The following DLG2 variants were observed in gnomAD, a reference collection of about 807,000 sequenced individuals.
DLG2 encodes the protein discs large MAGUK scaffold protein 2.
DLG2 carries 45 observed loss-of-function variants against 132.5 expected under a neutral mutation model. That is an observed-to-expected ratio of 0.34 (90% CI 0.27 to 0.44). The LOEUF (loss-of-function observed/expected upper bound fraction) is 0.44, where lower values mean the gene tolerates loss of function less well. DLG2 is among the 20% of genes least tolerant of loss of function. DLG2 has a pLI of 1.00. For missense variants in DLG2, 1,045 were observed against 1,196.9 expected, an observed-to-expected ratio of 0.87 and a Z score of 1.87; for synonymous variants, 424 against 419.6, an observed-to-expected ratio of 1.01 and a Z score of -0.13.
At chr11:83,996,399 G>T (rs1192265499) in intron 11 of DLG2, among the ~76,000 whole-genome samples, 3 of 152,184 alleles carry the variant, frequency 2.0e-5, no homozygotes, top group Admixed American at 6.5e-5. Flanking sequence ...CAACCACTAT[G>T]GAGAACAGTT....
At chr11:83,760,469 C>CT (rs202170665) in intron 18 of DLG2, among the ~76,000 whole-genome samples, 12,577 of 146,014 alleles carry the variant, frequency 0.086, 598 homozygotes, top group South Asian at 0.17. Flanking sequence ...TCCATCTATT[C>CT]TTTTTTTTTT....
chr11:85,422,999 G>A (rs1006983285), intron 3 of DLG2, among the ~76,000 whole-genome samples: 19 of 151,568 alleles, frequency 1.3e-4, no homozygotes, highest in African/African-American at 3.9e-4. Flanking sequence ...GTGATTTCTT[G>A]GAGGTGTTAA....
At chr11:85,234,278 A>T (rs2075459730) in intron 4 of DLG2, among the ~76,000 whole-genome samples, 1 of 152,026 alleles carries the variant, frequency 6.6e-6, no homozygotes, top group African/African-American at 2.4e-5. Context: ...TGCTCAGAAA[A>T]TGTTAATTTT....
intron 7 of DLG2, among the ~76,000 whole-genome samples, chr11:84,399,165 G>C (rs941364745): frequency 1.3e-5 from 2 of 151,888 alleles, no homozygotes; most frequent in Non-Finnish European, 2.9e-5. Flanking sequence ...ACAAAAATAG[G>C]GACTGAAAAT....
At chr11:83,848,880 C>A (rs2059148281) in intron 16 of DLG2, among the ~76,000 whole-genome samples, 1 of 152,162 alleles carries the variant, frequency 6.6e-6, no homozygotes, top group South Asian at 2.1e-4. Flanking sequence ...CCAGTTTATC[C>A]TTCAACAATT....
chr11:85,158,725 C>T (rs1276501787), intron 4 of DLG2, among the ~76,000 whole-genome samples: 1 of 152,096 alleles, frequency 6.6e-6, no homozygotes, highest in African/African-American at 2.4e-5. Flanking sequence ...AGCATAGCTA[C>T]CATAATGGAC....
At position 84,387,090 on chromosome 11, in the gene DLG2, C is replaced by T. The variant is rs573106068; in HGVS notation, c.520-135799G>A. Among the ~76,000 whole-genome samples, 4 of 152,122 alleles carry T rather than the reference C, an allele frequency of 2.6e-5. No homozygotes were observed. The East Asian group carries it at 7.8e-4, about 30-fold the overall frequency. Reference sequence around the variant, plus strand: ...AACTCCCCACCACCTCTTCCTTGCTCTTCTGAGTAAGAAGTGGTGGAAGCA... The same window carrying T: ...AACTCCCCACCACCTCTTCCTTGCTTTTCTGAGTAAGAAGTGGTGGAAGCA... On this transcript the variant is annotated intron_variant, in intron 7 of 27. Transcript: ENST00000376104.
At chr11:85,152,538 G>A (rs1415318569) in intron 5 of DLG2, among the ~76,000 whole-genome samples, 1 of 151,968 alleles carries the variant, frequency 6.6e-6, no homozygotes, top group East Asian at 1.9e-4. Context: ...AAAGTGCTGG[G>A]ATCACCACCT....
rs933391091 is a variant in DLG2, at chr11:84,266,873, A to G, written c.520-15582T>C. Among the ~76,000 whole-genome samples the G allele has an allele frequency of 4.3e-4, 66 of 152,358 alleles. 1 individual carries two copies. The highest frequency in any genetic ancestry group is 1.4e-3 in the African/African-American group (58 of 41,580). On this transcript the variant is annotated intron_variant, in intron 7 of 27. Coordinates refer to ENST00000376104, the MANE Select transcript of DLG2 (RefSeq NM_001142699.3). Reference sequence around the variant, plus strand: ...TAAGTATTCACCATTCCATCTATGCAGATTTACTTAGGAAACATAATATTT... The same window carrying G: ...TAAGTATTCACCATTCCATCTATGCGGATTTACTTAGGAAACATAATATTT...
chr11:85,556,317 C>T (rs1241871773), intron 3 of DLG2, among the ~76,000 whole-genome samples: 2 of 151,888 alleles, frequency 1.3e-5, no homozygotes, highest in Non-Finnish European at 2.9e-5. Context: ...AATGCTCACG[C>T]ACTGACTCTA....
At chr11:84,243,640 A>G (rs1422823696) in intron 8 of DLG2, among the ~76,000 whole-genome samples, 1 of 152,164 alleles carries the variant, frequency 6.6e-6, no homozygotes, top group Non-Finnish European at 1.5e-5. Flanking sequence ...TTTAGATTCT[A>G]TTGCTCACAA....
intron 7 of DLG2, among the ~76,000 whole-genome samples, chr11:84,427,991 T>G (rs1443808938): frequency 6.6e-6 from 1 of 152,216 alleles, no homozygotes; most frequent in African/African-American, 2.4e-5. Flanking sequence ...ATGTAACAAG[T>G]AGGTGTGGAA....
intron 21 of DLG2, among the ~76,000 whole-genome samples, chr11:83,516,303 CT>C (rs2095291128): frequency 6.6e-6 from 1 of 152,156 alleles, no homozygotes; most frequent in Non-Finnish European, 1.5e-5. Context: ...CTGTTTTGAT[CT>C]TTGTTGGTTT....
chr11:83,705,429 C>T (rs1193658987), intron 18 of DLG2, among the ~76,000 whole-genome samples: 1 of 152,014 alleles, frequency 6.6e-6, no homozygotes, highest in African/African-American at 2.4e-5. Flanking sequence ...TTTGCGATTA[C>T]TTTACTTTTC....
chr11:83,490,216 CACAAA>C (rs2093760325), intron 21 of DLG2, among the ~76,000 whole-genome samples: 1 of 145,076 alleles, frequency 6.9e-6, no homozygotes, highest in Admixed American at 6.8e-5. Flanking sequence ...TGACACCAAA[CACAAA>C]ACAAATAAAC....
intron 6 of DLG2, among the ~76,000 whole-genome samples, chr11:85,007,650 G>T (rs1228530703): frequency 8.1e-6 from 1 of 123,408 alleles, no homozygotes; most frequent in Non-Finnish European, 1.6e-5. Flanking sequence ...GGGTGACAGA[G>T]CAAGACTCCG....
intron 6 of DLG2, among the ~76,000 whole-genome samples, chr11:85,031,034 A>T (rs1350447008): frequency 6.6e-6 from 1 of 151,900 alleles, no homozygotes; most frequent in Admixed American, 6.6e-5. Flanking sequence ...TCTAGATGAA[A>T]TGTTCTATTT....
At chr11:84,454,519 T>A (rs1383885849) in intron 7 of DLG2, among the ~76,000 whole-genome samples, 2 of 151,576 alleles carry the variant, frequency 1.3e-5, no homozygotes, top group East Asian at 1.9e-4. Flanking sequence ...TAAAAGCATA[T>A]GTTCATTCAA....
chr11:85,138,560 G>A (rs1013905992), intron 5 of DLG2, among the ~76,000 whole-genome samples: 2 of 152,068 alleles, frequency 1.3e-5, no homozygotes, highest in Non-Finnish European at 2.9e-5. Flanking sequence ...GTTTGGTTGT[G>A]TCCCCACCCA....
Sources: gnomAD v4.1 joint callset for allele counts (sites outside exome capture counted in the v4.1 genomes callset) on GRCh38, gnomAD v4.1.1 for gene constraint, MANE v1.5 for transcripts, NCBI Gene and HGNC (gene_info 2026-07-23, HGNC 2026-07-21) for gene names.